LAMA3: variants seen among roughly 807,000 people sequenced by gnomAD.
LAMA3 encodes the protein laminin subunit alpha 3, also known as laminin subunit alpha-3.
LAMA3 carries 281 observed loss-of-function variants against 402.0 expected under a neutral mutation model. That is an observed-to-expected ratio of 0.70 (90% CI 0.63 to 0.77). LAMA3 has a LOEUF of 0.77. LAMA3 is among the 30% of genes least tolerant of loss of function. LAMA3 has a pLI of 0.00. For synonymous variants in LAMA3, 1,431 were observed against 1,558.4 expected (o/e 0.92, Z 1.93); for missense variants, 3,840 against 4,215.5 (o/e 0.91, Z 2.47).
At chr18:23,807,240 G>A (rs1292879594) in intron 12 of LAMA3, among the ~76,000 whole-genome samples, 4 of 152,122 alleles carry the variant, frequency 2.6e-5, no homozygotes, top group Non-Finnish European at 5.9e-5. Flanking sequence ...ACTTTGGGAG[G>A]CTAATGTGGG....
At chr18:23,949,172 C>A (rs1247888205) in intron 70 of LAMA3, among the ~76,000 whole-genome samples, 2 of 152,206 alleles carry the variant, frequency 1.3e-5, no homozygotes, top group African/African-American at 2.4e-5. Flanking sequence ...ACTGTCAATG[C>A]ACACTGTGTC....
chr18:23,756,275 CAGCCAAG>C (rs984957890), intron 6 of LAMA3, among the ~76,000 whole-genome samples: 4 of 152,020 alleles, frequency 2.6e-5, no homozygotes, highest in African/African-American at 9.7e-5. Flanking sequence ...CCTACAGGCA[CAGCCAAG>C]AGCCTTCTTA....
chr18:23,794,735 G>A (rs938586439), intron 12 of LAMA3, among the ~76,000 whole-genome samples: 2 of 152,186 alleles, frequency 1.3e-5, no homozygotes, highest in Admixed American at 6.5e-5. Flanking sequence ...GACAGCAGGA[G>A]TTGTGCTTGT....
intron 8 of LAMA3, among the ~76,000 whole-genome samples, chr18:23,763,811 A>G (rs1223216208): frequency 1.3e-5 from 2 of 152,178 alleles, no homozygotes; most frequent in Non-Finnish European, 2.9e-5. Flanking sequence ...CTGCTATCCA[A>G]CTTGTGATAG....
At chr18:23,912,597 T>A (rs2081470546) in intron 55 of LAMA3, 114 bp from the exon 56 acceptor site, 1 of 847,156 alleles carries the variant, frequency 1.2e-6, no homozygotes, top group Non-Finnish European at 2.0e-6. Context: ...TTGCTCCTTA[T>A]CATAACAACT....
chr18:23,862,308 C>T (rs1323768233), intron 35 of LAMA3, among the ~76,000 whole-genome samples: 1 of 152,198 alleles, frequency 6.6e-6, no homozygotes, highest in Non-Finnish European at 1.5e-5. Flanking sequence ...CAGGAACTTA[C>T]AAACCACTTG....
intron 1 of LAMA3, among the ~76,000 whole-genome samples, chr18:23,696,213 C>A (rs1299649612): frequency 6.6e-6 from 1 of 152,174 alleles, no homozygotes. Context: ...TTTAAATTTT[C>A]TTACATGTTT....
intron 12 of LAMA3, among the ~76,000 whole-genome samples, chr18:23,787,284 A>G (rs2062564150): frequency 6.7e-6 from 1 of 150,280 alleles, no homozygotes; most frequent in South Asian, 2.1e-4. Flanking sequence ...CTCTGTCTCA[A>G]ATAAATAAAT....
rs758622204 is a variant in LAMA3, at chr18:23,846,457, C to T, written c.3880C>T (p.Arg1294Trp). 9.9e-6 allele frequency: 16 copies of T among 1,613,286 alleles called. No homozygotes were observed. Among genetic ancestry groups the T allele is most frequent in the Middle Eastern group, 1.7e-4 (1 of 6,048 alleles). ...CCCATGCCAGCCCAACGTCATCGGG[C>T]GGCAGTGCACCCGCTGTGCAACAGG... ...QCPCQPNVIGRQCTRCATGHY... is the reference protein window; with the variant it reads ...QCPCQPNVIGWQCTRCATGHY... The change falls in exon 31 of 75, where the codon CGG (arginine) becomes TGG (tryptophan). Residue 1294 changes from arginine (R) to tryptophan (W), a missense_variant. This residue lies in a region of LAMA3 where 2,109 missense variants were observed against 2,376.0 expected (regional missense o/e 0.89). Coordinates refer to ENST00000313654, the MANE Select transcript of LAMA3 (RefSeq NM_198129.4).
chr18:23,793,187 G>A (rs967299736), intron 12 of LAMA3, among the ~76,000 whole-genome samples: 3 of 152,124 alleles, frequency 2.0e-5, no homozygotes, highest in Non-Finnish European at 4.4e-5. Context: ...TCTGGTACCT[G>A]GCCCTGGGGT....
At chr18:23,768,062 A>G (rs981956056) in intron 8 of LAMA3, among the ~76,000 whole-genome samples, 8 of 152,104 alleles carry the variant, frequency 5.3e-5, no homozygotes, top group Non-Finnish European at 1.0e-4. Context: ...CATTCTGGAC[A>G]TTGGCCTTCG....
intron 68 of LAMA3, among the ~76,000 whole-genome samples, chr18:23,941,967 C>A (rs1396744888): frequency 6.6e-6 from 1 of 152,198 alleles, no homozygotes; most frequent in Non-Finnish European, 1.5e-5. Flanking sequence ...AAATATTGAG[C>A]AGTGTTACCA....
At chr18:23,849,502 C>T (rs953041092) in intron 32 of LAMA3, among the ~76,000 whole-genome samples, 13 of 152,152 alleles carry the variant, frequency 8.5e-5, no homozygotes, top group Non-Finnish European at 1.8e-4. Context: ...AACAATAAAT[C>T]GCTGCAAATG....
In LAMA3 at chr18:23,784,172, CAT is replaced by C; in HGVS notation, c.1603+17_1603+18del. On this transcript the variant is annotated intron_variant, in intron 12 of 74. Coordinates refer to ENST00000313654, the MANE Select transcript of LAMA3 (RefSeq NM_198129.4). ...TATTTGCCAAGGTAAGTGGGCAGAA[CAT>C]AGCATATTCATAATCAATCCCTCAA... The C allele has an allele frequency of 6.2e-7, 1 of 1,613,954 alleles. No individual in the cohort carries two copies. Among genetic ancestry groups the C allele is most frequent in the South Asian group, 1.1e-5 (1 of 91,080 alleles).
At chr18:23,902,968 T>C (rs1260080767) in intron 48 of LAMA3, 41 bp from the exon 49 acceptor site, 1 of 1,143,646 alleles carries the variant, frequency 8.7e-7, no homozygotes, top group African/African-American at 1.5e-5. Flanking sequence ...CTTCTGATAA[T>C]ATATCATAGA....
intron 12 of LAMA3, among the ~76,000 whole-genome samples, chr18:23,789,920 T>TG (rs1248266118): frequency 6.6e-6 from 1 of 152,218 alleles, no homozygotes; most frequent in African/African-American, 2.4e-5. Context: ...CCCAGACACT[T>TG]GTCAGCCTTA....
chr18:23,939,301 C>T lies in LAMA3; in HGVS notation c.8941C>T (p.Gln2981Ter), dbSNP rs772038362. ...QDACSPLPKTQANHGALQFGD... is the reference protein window; with the variant it reads ...QDACSPLPKT ...TGCTTGCTCACCACTTCCCAAGACC[C>T]AGGCCAATCATGGAGCCCTCCAGTT... Residue 2981 changes from glutamine (Q) to a stop codon, truncating the protein, a stop_gained, in exon 68 of 75, where the codon CAG (glutamine) becomes TAG (stop). Coordinates refer to ENST00000313654, the MANE Select transcript of LAMA3 (RefSeq NM_198129.4). LOFTEE classifies it high-confidence loss of function. The T allele has an allele frequency of 8.1e-6, 13 of 1,614,054 alleles. No homozygotes were observed. The highest frequency in any genetic ancestry group is 1.1e-5 in the Non-Finnish European group (13 of 1,180,014).
chr18:23,861,711 C>T lies in LAMA3; in HGVS notation c.4488C>T (p.Asn1496=), dbSNP rs1409493332. Residue 1496 remains asparagine, a synonymous_variant, in exon 35 of 75, where the codon AAC becomes AAT. Transcript: ENST00000313654. ...GAGTGGACATCCCTGTCTCTTTCAA[C>T]CCAGGCAGCAACAGTATGGTGGCGG... ...ADRVDIPVSF[N]PGSNSMVADL... 6.2e-7 allele frequency: 1 copy of T among 1,614,074 alleles called. No individual in the cohort carries two copies. Among genetic ancestry groups the T allele is most frequent in the Non-Finnish European group, 8.5e-7 (1 of 1,180,048 alleles).
In LAMA3 at chr18:23,775,964, C is replaced by G. The variant is rs748719492; in HGVS notation, c.1405+41C>G. On this transcript the variant is annotated intron_variant, in intron 10 of 74. Transcript: ENST00000313654. ...AGAACAAGAGGCCACCCTTTTTGGTCCATAGCTGGCTTTTGTGCACTAACC... is the reference window on the plus strand; with the variant it reads ...AGAACAAGAGGCCACCCTTTTTGGTGCATAGCTGGCTTTTGTGCACTAACC... The G allele has an allele frequency of 1.9e-6, 3 of 1,612,804 alleles. No homozygotes were observed. In the South Asian group the frequency reaches 3.3e-5, roughly 18 times the overall value.
Sources: gnomAD v4.1 joint callset for allele counts (sites outside exome capture counted in the v4.1 genomes callset) on GRCh38, gnomAD v4.1.1 for gene constraint, gnomAD v4.1.1 regional missense constraint, MANE v1.5 for transcripts, NCBI Gene and HGNC (gene_info 2026-07-23, HGNC 2026-07-21) for gene names.